HHAT: variants seen among roughly 807,000 people sequenced by gnomAD.
The protein encoded by HHAT is protein-cysteine N-palmitoyltransferase HHAT.
HHAT carries 47 observed loss-of-function variants against 70.8 expected under a neutral mutation model. The ratio of observed to expected loss-of-function variants is 0.66; its 90% CI spans 0.53 to 0.85. HHAT has a LOEUF of 0.85. Ranked by LOEUF, HHAT falls within the 40% of genes least tolerant of loss-of-function variation. The pLI, the probability that HHAT is intolerant of heterozygous loss-of-function variation, is 0.00. For synonymous variants in HHAT, 228 were observed against 247.6 expected, an observed-to-expected ratio of 0.92 and a Z score of 0.74; for missense variants, 609 against 604.8, an observed-to-expected ratio of 1.01 and a Z score of -0.07.
At chr1:210,551,860 A>G (rs920915511) in intron 9 of HHAT, among the ~76,000 whole-genome samples, 1 of 152,228 alleles carries the variant, frequency 6.6e-6, no homozygotes, top group Non-Finnish European at 1.5e-5. Context: ...AGTCTTGGAA[A>G]GTGAACCCAA....
At chr1:210,474,104 C>A (rs1220404798) in intron 8 of HHAT, among the ~76,000 whole-genome samples, 1 of 152,132 alleles carries the variant, frequency 6.6e-6, no homozygotes, top group Non-Finnish European at 1.5e-5. Context: ...GGCAGAAATT[C>A]CTAATTTGGG....
intron 9 of HHAT, among the ~76,000 whole-genome samples, chr1:210,563,596 A>G (rs1472475293): frequency 6.6e-6 from 1 of 152,088 alleles, no homozygotes; most frequent in Non-Finnish European, 1.5e-5. Flanking sequence ...GGAGTTGGGA[A>G]CCACTTCTTA....
intron 7 of HHAT, among the ~76,000 whole-genome samples, chr1:210,440,220 G>A (rs960552208): frequency 1.3e-5 from 2 of 151,730 alleles, no homozygotes; most frequent in African/African-American, 2.4e-5. Context: ...GTTCCCCAGG[G>A]AGGCTAGTTT....
intron 7 of HHAT, among the ~76,000 whole-genome samples, chr1:210,426,787 T>C (rs573882918): frequency 7.9e-5 from 12 of 152,284 alleles, no homozygotes; most frequent in Non-Finnish European, 4.4e-5. Flanking sequence ...CACAAGGATA[T>C]TGGCCTGAAG....
At chr1:210,482,633 G>T (rs917468833) in intron 8 of HHAT, among the ~76,000 whole-genome samples, 4 of 152,170 alleles carry the variant, frequency 2.6e-5, no homozygotes, top group Admixed American at 2.6e-4. Context: ...TAGATTGCCT[G>T]CATGAAGATA....
At chr1:210,402,517 T>C (rs1025220234) in intron 5 of HHAT, among the ~76,000 whole-genome samples, 3 of 152,114 alleles carry the variant, frequency 2.0e-5, no homozygotes, top group African/African-American at 7.2e-5. Context: ...TAGACCTCAG[T>C]CTCTAAAGGT....
At position 210,676,057 on chromosome 1, in the gene HHAT, G is replaced by A. The variant is rs1187856236; in HGVS notation, c.*1678G>A. 1 of 152,160 alleles carries A rather than the reference G, an allele frequency of 6.6e-6. No individual in the cohort carries two copies. Among genetic ancestry groups the A allele is most frequent in the Non-Finnish European group, 1.5e-5 (1 of 68,038 alleles). 9.4% of individuals were successfully genotyped at this position (152,160 alleles called of 1,614,324 possible). A position where few individuals can be genotyped will look rare whatever the true frequency, so the allele number is the denominator to read the frequency against. On this transcript the variant is annotated 3_prime_UTR_variant, in exon 12 of 12. Transcript: ENST00000261458. ...AAAGAAAGGGCTTGCTAAGAAAAAA[G>A]GGAGTAAAAATGATGATAGGGAAGT... is the stretch of plus-strand genomic sequence containing the variant.
chr1:210,623,440 G>T (rs1669250653), intron 10 of HHAT, 86 bp from the exon 11 acceptor site: 4 of 1,499,986 alleles, frequency 2.7e-6, no homozygotes, highest in Non-Finnish European at 3.7e-6. Context: ...GGCGTCCTGG[G>T]CTGGTGACAG....
intron 7 of HHAT, among the ~76,000 whole-genome samples, chr1:210,440,450 G>A (rs373147949): frequency 8.6e-5 from 13 of 151,720 alleles, no homozygotes; most frequent in Non-Finnish European, 1.2e-4. Flanking sequence ...GTCCTTGGAT[G>A]TAGCCCACCC....
At chr1:210,545,065 T>C (rs11583167) in intron 9 of HHAT, among the ~76,000 whole-genome samples, 28,524 of 151,856 alleles carry the variant, frequency 0.19, 3,278 homozygotes, top group Middle Eastern at 0.29. Flanking sequence ...CTCCATATTG[T>C]AATGAGAATG....
intron 4 of HHAT, among the ~76,000 whole-genome samples, chr1:210,392,763 C>T (rs1280384506): frequency 1.3e-5 from 2 of 152,106 alleles, no homozygotes; most frequent in Non-Finnish European, 2.9e-5. Context: ...CCATTCTATC[C>T]TTAGGTCTAG....
chr1:210,352,932 C>CTT (rs779828953), intron 2 of HHAT, among the ~76,000 whole-genome samples: 17 of 137,494 alleles, frequency 1.2e-4, no homozygotes, highest in African/African-American at 4.2e-4. Flanking sequence ...TCTCTGTTTA[C>CTT]TTTTTTTTTT....
chr1:210,455,806 G>A (rs2093853410), intron 7 of HHAT, among the ~76,000 whole-genome samples: 1 of 152,074 alleles, frequency 6.6e-6, no homozygotes, highest in Admixed American at 6.5e-5. Flanking sequence ...TTCCCACCCT[G>A]CCCCTAAATG....
chr1:210,331,299 C>T (rs1312120377), intron 1 of HHAT, among the ~76,000 whole-genome samples: 2 of 151,932 alleles, frequency 1.3e-5, no homozygotes, highest in Non-Finnish European at 2.9e-5. Flanking sequence ...TTGCTTATGT[C>T]CAGCCTACTT....
chr1:210,638,722 CAAAAAAAA>C (rs71146238), intron 11 of HHAT, among the ~76,000 whole-genome samples: 2,728 of 95,314 alleles, frequency 0.029, 82 homozygotes, highest in Admixed American at 0.1. Flanking sequence ...CCTGTATTTA[CAAAAAAAA>C]AAAAAAAAAA....
intron 3 of HHAT, among the ~76,000 whole-genome samples, chr1:210,381,702 C>A (rs963869948): frequency 6.6e-6 from 1 of 152,176 alleles, no homozygotes; most frequent in African/African-American, 2.4e-5. Flanking sequence ...TAAAACAGTG[C>A]TCCTGACCCA....
chr1:210,607,940 G>A lies in HHAT; in HGVS notation c.1246-15586G>A, dbSNP rs968466861. ...CCCATACCTTTGCTGCTTTGTGTTTGTGTGGTTTAAGAAATATTCTAAAAT... is the reference window on the plus strand; with the variant it reads ...CCCATACCTTTGCTGCTTTGTGTTTATGTGGTTTAAGAAATATTCTAAAAT... On this transcript the variant is annotated intron_variant, in intron 10 of 11. Transcript: ENST00000261458. Among the ~76,000 whole-genome samples, 6 of 152,216 alleles carry A rather than the reference G, an allele frequency of 3.9e-5. 1 individual carries two copies. The Middle Eastern group carries it at 0.017, about 431-fold the overall frequency.
At chr1:210,410,675 T>C (rs950409166) in intron 6 of HHAT, among the ~76,000 whole-genome samples, 16 of 151,472 alleles carry the variant, frequency 1.1e-4, no homozygotes, top group Non-Finnish European at 2.1e-4. Flanking sequence ...TACAGGCACC[T>C]GCCACCACGC....
intron 7 of HHAT, among the ~76,000 whole-genome samples, chr1:210,428,286 CTATATATATATATATATATATATATATA>C (rs66516721): frequency 0.015 from 1,556 of 101,522 alleles, 43 homozygotes; most frequent in Middle Eastern, 0.033. Flanking sequence ...TGAGCTTATA[CTATATATATATATATATATATATATATA>C]TATATATATA....
Sources: gnomAD v4.1 joint callset for allele counts (sites outside exome capture counted in the v4.1 genomes callset) on GRCh38, gnomAD v4.1.1 for gene constraint, MANE v1.5 for transcripts, NCBI Gene and HGNC (gene_info 2026-07-23, HGNC 2026-07-21) for gene names.